Variants in NRP1 observed in about 807,000 individuals in gnomAD.
NRP1 encodes neuropilin 1.
In NRP1, 35 loss-of-function variants were observed where a neutral mutation model predicts 106.7. The ratio of observed to expected loss-of-function variants is 0.33; its 90% CI spans 0.25 to 0.43. The LOEUF is 0.43. Ranked by LOEUF, NRP1 falls within the 20% of genes least tolerant of loss-of-function variation. NRP1 has a pLI of 1.00. For synonymous variants in NRP1, 437 were observed against 417.9 expected (o/e 1.05, Z -0.56); for missense variants, 1,024 against 1,170.4 (o/e 0.87, Z 1.83).
chr10:33,285,310 G>C (rs570823622), intron 2 of NRP1, among the ~76,000 whole-genome samples: 1 of 152,154 alleles, frequency 6.6e-6, no homozygotes, highest in African/African-American at 2.4e-5. Context: ...AGATATAATA[G>C]ACCAAGGTTG....
intron 4 of NRP1, 88 bp from the exon 5 acceptor site, chr10:33,256,559 T>C: frequency 7.0e-7 from 1 of 1,435,694 alleles, no homozygotes. Context: ...TGGGCCCCAG[T>C]AGAACCCAGA....
intron 2 of NRP1, among the ~76,000 whole-genome samples, chr10:33,328,077 A>G (rs2132946226): frequency 6.6e-6 from 1 of 152,246 alleles, no homozygotes; most frequent in South Asian, 2.1e-4. Context: ...AAAAACAAAC[A>G]AAGTCACCAT....
At chr10:33,253,987 A>C (rs760398786) in intron 6 of NRP1, 41 bp downstream of exon 6, 1 of 1,552,914 alleles carries the variant, frequency 6.4e-7, no homozygotes, top group South Asian at 1.3e-5. Flanking sequence ...ATGGTCAAAA[A>C]CTTATTCAAT....
At position 33,256,458 on chromosome 10, in the gene NRP1, A is replaced by G. The variant is rs752844799; in HGVS notation, c.672T>C (p.Ile224=). The change falls in exon 5 of 17, where the codon ATT becomes ATC. Residue 224 remains isoleucine, a synonymous_variant. Transcript: ENST00000374867. ...WDGFPDVGPH[I]GRYCGQKTPG... is the part of the protein sequence containing the mutation. ...GTGTTTTCTGTCCACAGTAACGCCC[A>G]ATGTGAGGGCCAACTGGAAAGGGAG... The G allele has an allele frequency of 1.9e-6, 3 of 1,614,112 alleles. No individual in the cohort carries two copies. In the South Asian group the frequency reaches 3.3e-5, roughly 18 times the overall value.
intron 5 of NRP1, among the ~76,000 whole-genome samples, chr10:33,255,334 G>A (rs748116864): frequency 6.6e-6 from 1 of 152,134 alleles, no homozygotes; most frequent in Non-Finnish European, 1.5e-5. Context: ...GTGAGATCTG[G>A]TGTAGAAGAT....
At position 33,306,856 on chromosome 10, in the gene NRP1, T is replaced by C. The variant is rs111699088; in HGVS notation, c.248+23852A>G. Among the ~76,000 whole-genome samples the C allele has an allele frequency of 6.0e-3, 921 of 152,334 alleles. 8 individuals carry two copies. The highest frequency in any genetic ancestry group is 0.021 in the African/African-American group (879 of 41,580). Reference sequence around the variant, plus strand: ...ATTAATGAGTGATAGAGACTTTGATTGAATCAATATTGTGTGAAATTAACT... The same window carrying C: ...ATTAATGAGTGATAGAGACTTTGATCGAATCAATATTGTGTGAAATTAACT... On this transcript the variant is annotated intron_variant, in intron 2 of 16. Coordinates refer to ENST00000374867, the MANE Select transcript of NRP1 (RefSeq NM_003873.7).
At chr10:33,213,012 G>T (rs187696949) in intron 9 of NRP1, 25 of 548,404 alleles carry the variant, frequency 4.6e-5, no homozygotes, top group South Asian at 3.5e-4. Flanking sequence ...CTTAAACTAG[G>T]GGTAGGTTTG....
intron 2 of NRP1, among the ~76,000 whole-genome samples, chr10:33,295,918 C>T (rs1308440390): frequency 1.3e-5 from 2 of 152,146 alleles, no homozygotes; most frequent in Non-Finnish European, 2.9e-5. Flanking sequence ...AGTGCAAGTA[C>T]GTTCTACTAG....
chr10:33,311,840 C>T (rs1209075585), intron 2 of NRP1, among the ~76,000 whole-genome samples: 2 of 152,114 alleles, frequency 1.3e-5, no homozygotes, highest in Non-Finnish European at 2.9e-5. Context: ...ACATATAAAC[C>T]AAACCCTAAA....
intron 2 of NRP1, among the ~76,000 whole-genome samples, chr10:33,287,590 T>C (rs1844667330): frequency 6.6e-6 from 1 of 152,232 alleles, no homozygotes; most frequent in Non-Finnish European, 1.5e-5. Flanking sequence ...AGAATATCTT[T>C]ACTGCAGCTA....
At position 33,329,386 on chromosome 10, in the gene NRP1, A is replaced by G. The variant is rs1417363066; in HGVS notation, c.248+1322T>C. Among the ~76,000 whole-genome samples, 9 of 152,190 alleles carry G rather than the reference A, an allele frequency of 5.9e-5. No individual in the cohort carries two copies. In the South Asian group the frequency reaches 1.9e-3, roughly 31 times the overall value. On this transcript the variant is annotated intron_variant, in intron 2 of 16. Coordinates refer to ENST00000374867, the MANE Select transcript of NRP1 (RefSeq NM_003873.7). ...GATACTAAAATGTTGAATGAACCAA[A>G]TGACCTCATCTCTCTGACCATGAAA... is the stretch of plus-strand genomic sequence containing the variant.
At chr10:33,180,663 C>T (rs1286996625) in intron 16 of NRP1, among the ~76,000 whole-genome samples, 3 of 152,216 alleles carry the variant, frequency 2.0e-5, no homozygotes, top group Non-Finnish European at 4.4e-5. Flanking sequence ...TCTGTGTTTA[C>T]AGTCCTTGGC....
At chr10:33,264,040 G>T (rs928940113) in intron 3 of NRP1, among the ~76,000 whole-genome samples, 167 bp from the exon 4 acceptor site, 3 of 152,186 alleles carry the variant, frequency 2.0e-5, no homozygotes, top group African/African-American at 7.2e-5. Flanking sequence ...AATGGGTATG[G>T]AAAGTCAAGT....
chr10:33,205,384 A>G (rs1308483352), intron 10 of NRP1: 1 of 152,222 alleles, frequency 6.6e-6, no homozygotes, highest in East Asian at 1.9e-4. Context: ...TGGAAACTCT[A>G]ACTTCCCAAT....
intron 6 of NRP1, among the ~76,000 whole-genome samples, chr10:33,226,747 C>T (rs1839705807): frequency 6.6e-6 from 1 of 152,190 alleles, no homozygotes; most frequent in Admixed American, 6.5e-5. Context: ...CCAGACATTC[C>T]TAAGTCTTTA....
At chr10:33,232,238 A>G (rs1840196409) in intron 6 of NRP1, among the ~76,000 whole-genome samples, 1 of 152,222 alleles carries the variant, frequency 6.6e-6, no homozygotes, top group Non-Finnish European at 1.5e-5. Context: ...CCTAAACAAT[A>G]CTTCCTTTCT....
intron 2 of NRP1, among the ~76,000 whole-genome samples, chr10:33,286,834 A>G (rs1419351337): frequency 4.6e-5 from 7 of 152,162 alleles, no homozygotes; most frequent in African/African-American, 1.4e-4. Flanking sequence ...ATTTCATGCC[A>G]AATCTTATAG....
chr10:33,206,696 G>C lies in NRP1; in HGVS notation c.1759+876C>G, dbSNP rs994295172. On this transcript the variant is annotated intron_variant, in intron 10 of 16. Transcript: ENST00000374867. The stretch of plus-strand genomic sequence containing the variant: ...AATAGTCATTCTTGAAGCTAGGCTG[G>C]AGCAAGACCTCTATGGGGATAGAAA... 2.0e-5 allele frequency among the ~76,000 whole-genome samples: 3 copies of C among 152,156 alleles called. No homozygotes were observed. In the East Asian group the frequency reaches 5.8e-4, roughly 29 times the overall value.
chr10:33,294,581 C>A (rs1221847505), intron 2 of NRP1, among the ~76,000 whole-genome samples: 1 of 138,728 alleles, frequency 7.2e-6, no homozygotes, highest in Admixed American at 8.0e-5. Context: ...TCCGCCACTG[C>A]AGTTCAGCCT....
Sources: allele counts gnomAD v4.1 joint callset (sites outside exome capture counted in the v4.1 genomes callset), GRCh38; gene constraint gnomAD v4.1.1; transcripts MANE v1.5; gene names NCBI Gene and HGNC (gene_info 2026-07-23, HGNC 2026-07-21).